The following ABLIM3 variants were observed in gnomAD, a reference collection of about 807,000 sequenced individuals.
ABLIM3 encodes actin binding LIM protein family member 3.
ABLIM3 carries 61 observed loss-of-function variants against 109.5 expected under a neutral mutation model. The ratio of observed to expected loss-of-function variants is 0.56; its 90% CI spans 0.45 to 0.69. ABLIM3 has a LOEUF of 0.69. ABLIM3 is among the 30% of genes least tolerant of loss of function. ABLIM3 has a pLI of 0.00. For missense variants in ABLIM3, 796 were observed against 889.5 expected (o/e 0.89, Z 1.34); for synonymous variants, 300 against 324.8 (o/e 0.92, Z 0.82).
rs144040893 is a variant in ABLIM3 at position 149,173,011 on chromosome 5, C to T, written c.14-10441C>T. Among the ~76,000 whole-genome samples, 428 of 152,140 alleles carry T rather than the reference C, an allele frequency of 2.8e-3. 2 individuals are homozygous for T. The highest frequency in any genetic ancestry group is 9.7e-3 in the African/African-American group (404 of 41,490). On this transcript the variant is annotated intron_variant, in intron 2 of 23. Transcript: ENST00000309868. ...AAGAACCAGATGTTAGCAAGAATTG[C>T]AGTATGACAGAGAAGAAAGAAGAAA...
At chr5:149,185,733 A>G (rs1371519759) in intron 3 of ABLIM3, among the ~76,000 whole-genome samples, 1 of 152,236 alleles carries the variant, frequency 6.6e-6, no homozygotes, top group Non-Finnish European at 1.5e-5. Context: ...TAAGTACCCT[A>G]TTAGATAGCT....
chr5:149,170,788 G>A (rs925584119), intron 2 of ABLIM3, among the ~76,000 whole-genome samples: 1 of 152,162 alleles, frequency 6.6e-6, no homozygotes, highest in African/African-American at 2.4e-5. Context: ...GTTGATTTGG[G>A]GGGAGGATCT....
intron 13 of ABLIM3, 74 bp from the exon 14 acceptor site, chr5:149,240,601 TA>T: frequency 8.1e-7 from 1 of 1,234,208 alleles, no homozygotes; most frequent in Non-Finnish European, 1.2e-6. Flanking sequence ...CACCACTTCC[TA>T]AACTGCCACC....
chr5:149,234,333 T>TC (rs1247339100), intron 10 of ABLIM3, among the ~76,000 whole-genome samples: 1 of 152,134 alleles, frequency 6.6e-6, no homozygotes, highest in Admixed American at 6.5e-5. Context: ...GTTCCAGCCT[T>TC]CCACAAGCCA....
intron 4 of ABLIM3, among the ~76,000 whole-genome samples, chr5:149,200,084 GCAT>G (rs763882922): frequency 3.3e-5 from 5 of 152,196 alleles, no homozygotes; most frequent in Non-Finnish European, 7.3e-5. Context: ...GGTCAGATAA[GCAT>G]CATGATCTGC....
At chr5:149,239,138 G>T (rs1752536278) in intron 11 of ABLIM3, 110 bp from the exon 12 acceptor site, 1 of 1,068,950 alleles carries the variant, frequency 9.4e-7, no homozygotes, top group Admixed American at 1.7e-5. Flanking sequence ...CAAAGGAACT[G>T]CTGCAAACCC....
chr5:149,170,228 T>TTCTC (rs10644957), intron 2 of ABLIM3, among the ~76,000 whole-genome samples: 5,569 of 124,578 alleles, frequency 0.045, 175 homozygotes, highest in African/African-American at 0.087. Context: ...AGGGTTCTGT[T>TTCTC]TCTCTCTCTC....
Position 149,250,465 on chromosome 5 carries a change from C to A in ABLIM3, c.1748C>A (p.Ser583Tyr), listed in dbSNP as rs1753814815. Residue 583 changes from serine to tyrosine, a missense_variant, in exon 20 of 24, where the codon TCT (serine) becomes TAT (tyrosine). By Grantham distance (144) the Ser-to-Tyr change is moderately radical. Transcript: ENST00000309868. ...LADSDPLISK[S>Y]ASLPAYRRNG... ...TTTTCAGATCCTCTCATCTCCAAAT[C>A]TGCCTCCCTGCCTGCCTACCGAAGA... The A allele has an allele frequency of 6.2e-7, 1 of 1,614,222 alleles. No homozygotes were observed. Among genetic ancestry groups the A allele is most frequent in the East Asian group, 2.2e-5 (1 of 44,874 alleles).
intron 6 of ABLIM3, among the ~76,000 whole-genome samples, chr5:149,208,001 C>T (rs574630088): frequency 1.1e-4 from 16 of 152,372 alleles, no homozygotes; most frequent in African/African-American, 3.8e-4. Context: ...AGGTGCCACT[C>T]TCTGGCCTGA....
intron 2 of ABLIM3, among the ~76,000 whole-genome samples, chr5:149,157,438 C>T (rs1414718735): frequency 2.0e-5 from 3 of 151,916 alleles, no homozygotes; most frequent in Non-Finnish European, 4.4e-5. Context: ...TTTATCCTTC[C>T]TCCTTCTGAT....
chr5:149,152,755 C>G (rs1006193186), intron 2 of ABLIM3, among the ~76,000 whole-genome samples: 1 of 152,052 alleles, frequency 6.6e-6, no homozygotes, highest in Non-Finnish European at 1.5e-5. Flanking sequence ...TAGTCAACAG[C>G]ATGAGCTCTG....
At chr5:149,147,598 C>T (rs1394520106) in intron 2 of ABLIM3, among the ~76,000 whole-genome samples, 6 of 152,282 alleles carry the variant, frequency 3.9e-5, no homozygotes. Flanking sequence ...TGGACCTACA[C>T]TATTCAAACC....
At position 149,151,661 on chromosome 5, in the gene ABLIM3, C is replaced by A. The variant is rs1017959371; in HGVS notation, c.13+9553C>A. On this transcript the variant is annotated intron_variant, in intron 2 of 23. Transcript: ENST00000309868. ...GGGAAGTGCTCTTACATAGGAGGTC[C>A]CCACATGGGAAGACCCCAGTAATTT... Among the ~76,000 whole-genome samples, 7 of 152,314 alleles carry A rather than the reference C, an allele frequency of 4.6e-5. No homozygotes were observed. The South Asian group carries it at 1.0e-3, about 23-fold the overall frequency.
intron 3 of ABLIM3, among the ~76,000 whole-genome samples, chr5:149,189,706 G>C (rs1436113362): frequency 6.6e-6 from 1 of 152,192 alleles, no homozygotes; most frequent in Non-Finnish European, 1.5e-5. Context: ...TAGATAACTA[G>C]TGTTGATGAG....
At chr5:149,183,632 C>A (rs753922922) in intron 3 of ABLIM3, 43 bp downstream of exon 3, 1 of 1,478,158 alleles carries the variant, frequency 6.8e-7, no homozygotes, top group South Asian at 1.4e-5. Context: ...GATTCCTGAC[C>A]ATTCTTGCAC....
In ABLIM3 at chr5:149,198,383, T is replaced by A. The variant is rs762339504; in HGVS notation, c.316T>A (p.Phe106Ile). Reference sequence around the variant, plus strand: ...GGGCCGCACTTACCACCCCAAGTGCTTCGTGTGCAGCTTGTGCAGGTGAGT... The same window carrying A: ...GGGCCGCACTTACCACCCCAAGTGCATCGTGTGCAGCTTGTGCAGGTGAGT... The part of the protein sequence containing the change: ...ALGRTYHPKC[F>I]VCSLCRKPFP... The change falls in exon 4 of 24, where the codon TTC becomes ATC. Residue 106 changes from phenylalanine to isoleucine, a missense_variant. Transcript: ENST00000309868. This position sits in a 1 kb window ranked among gnomAD's most constrained non-coding sequence, Gnocchi z 4.2. 6.2e-7 allele frequency: 1 copy of A among 1,611,992 alleles called. No homozygotes were observed. The highest frequency in any genetic ancestry group is 1.7e-5 in the Admixed American group (1 of 59,880).
At position 149,244,881 on chromosome 5, in the gene ABLIM3, G is replaced by A. The variant is rs773281338; in HGVS notation, c.1352G>A (p.Gly451Asp). 2 of 1,614,068 alleles carry A rather than the reference G, an allele frequency of 1.2e-6. No homozygotes were observed. ...YRKPPIYKRH[G>D]DLSTATKSKT... ...AGTGCTCTCCTTGGGTCCTCTGCAG[G>A]TGATTTGTCTACAGCAACCAAGAGC... Residue 451 changes from glycine (G) to aspartate (D), a missense_variant and splice_region_variant, in exon 16 of 24, where the codon GGT becomes GAT. By Grantham distance (94) the Gly-to-Asp change is moderately conservative. Coordinates refer to ENST00000309868, the MANE Select transcript of ABLIM3 (RefSeq NM_014945.5).
intron 8 of ABLIM3, among the ~76,000 whole-genome samples, chr5:149,229,303 T>C (rs1761612991): frequency 6.6e-6 from 1 of 152,216 alleles, no homozygotes; most frequent in Admixed American, 6.5e-5. Context: ...AATACCCAAG[T>C]ATGTCGGCAG....
intron 8 of ABLIM3, among the ~76,000 whole-genome samples, chr5:149,223,216 G>T (rs1234683982): frequency 6.6e-6 from 1 of 152,092 alleles, no homozygotes. Context: ...TATTTCTAAA[G>T]TTTGTTTCCA....
Sources: gnomAD v4.1 joint callset for allele counts (sites outside exome capture counted in the v4.1 genomes callset) on GRCh38, gnomAD v4.1.1 for gene constraint, Gnocchi (gnomAD v3.1) non-coding constraint, MANE v1.5 for transcripts, NCBI Gene and HGNC (gene_info 2026-07-23, HGNC 2026-07-21) for gene names.